Variants in FSTL4 observed in about 807,000 individuals in gnomAD.
The protein encoded by FSTL4 is follistatin like 4, also known as follistatin-related protein 4.
FSTL4 carries 28 observed loss-of-function variants against 78.2 expected under a neutral mutation model. The ratio of observed to expected loss-of-function variants is 0.36; its 90% confidence interval spans 0.27 to 0.49. The LOEUF is 0.49. Ranked by LOEUF, FSTL4 falls within the 20% of genes least tolerant of loss-of-function variation. The pLI is 0.98. For synonymous variants in FSTL4, 422 were observed against 440.5 expected (o/e 0.96, Z 0.53); for missense variants, 922 against 1,084.9 (o/e 0.85, Z 2.11).
chr5:133,756,870 C>T, the FSTL4 span, among the ~76,000 whole-genome samples: 1 of 152,132 alleles, frequency 6.6e-6, no homozygotes, highest in African/African-American at 2.4e-5. Flanking sequence ...AATGCCTCCT[C>T]CAGCTGCCCA....
rs78758136 is a variant in FSTL4, at chr5:133,582,999, T to C, written c.127-15780A>G. On this transcript the variant is annotated intron_variant, in intron 2 of 15. Transcript: ENST00000265342. ...GAGCCACCACAGCTCAACCAATCTT[T>C]AGTACTCAGTGTGCCTGGGGGTGCC... 8.7e-3 allele frequency among the ~76,000 whole-genome samples: 1,326 copies of C among 152,196 alleles called. 11 individuals carry two copies. The highest frequency in any genetic ancestry group is 0.014 in the Non-Finnish European group (969 of 67,998).
intron 7 of FSTL4, among the ~76,000 whole-genome samples, chr5:133,238,346 C>CT (rs371049136): frequency 1.8e-4 from 27 of 152,294 alleles, no homozygotes; most frequent in African/African-American, 6.0e-4. Flanking sequence ...GGGGGGGTCT[C>CT]TCCCCCAACA....
the FSTL4 span, among the ~76,000 whole-genome samples, chr5:133,771,296 G>A: frequency 2.0e-5 from 3 of 151,978 alleles, no homozygotes; most frequent in Non-Finnish European, 4.4e-5. Flanking sequence ...TTGAGTCGGT[G>A]GATTGCTTTG....
intron 4 of FSTL4, among the ~76,000 whole-genome samples, chr5:133,398,643 T>G (rs1396132036): frequency 6.6e-6 from 1 of 152,212 alleles, no homozygotes; most frequent in Non-Finnish European, 1.5e-5. Flanking sequence ...GGCAGCGTGC[T>G]AAGTGGTGCT....
chr5:133,833,045 G>A, the FSTL4 span, among the ~76,000 whole-genome samples: 4 of 152,028 alleles, frequency 2.6e-5, no homozygotes, highest in African/African-American at 7.3e-5. Flanking sequence ...ATTTGGTCTC[G>A]AGGCCATAAT....
rs1164252348 is a variant in FSTL4 at position 133,440,197 on chromosome 5, G to C, written c.161-39211C>G. On this transcript the variant is annotated intron_variant, in intron 3 of 15. Transcript: ENST00000265342. The surrounding 1 kb of genome is among the most constrained non-coding windows in gnomAD (Gnocchi z 4.1). ...ACACCCATTCACTGAATAATTTCTGGGCGCTGTGGAGGGAGAGGGCCTCAG... is the reference window on the plus strand; with the variant it reads ...ACACCCATTCACTGAATAATTTCTGCGCGCTGTGGAGGGAGAGGGCCTCAG... 6.6e-6 allele frequency among the ~76,000 whole-genome samples: 1 copy of C among 152,148 alleles called. No individual in the cohort carries two copies. The highest frequency in any genetic ancestry group is 1.5e-5 in the Non-Finnish European group (1 of 68,016).
intron 8 of FSTL4, among the ~76,000 whole-genome samples, chr5:133,230,620 C>T (rs1751464942): frequency 6.6e-6 from 1 of 152,146 alleles, no homozygotes; most frequent in Non-Finnish European, 1.5e-5. Context: ...TGGCCTCCAG[C>T]CCTTCAGCAG....
intron 4 of FSTL4, among the ~76,000 whole-genome samples, chr5:133,354,552 C>T (rs559790844): frequency 2.7e-4 from 41 of 152,322 alleles, no homozygotes; most frequent in African/African-American, 9.1e-4. Context: ...CAGTAACTGG[C>T]AGTTCCTTTT....
At chr5:133,244,557 TCAAA>T (rs911793561) in intron 7 of FSTL4, 6 of 151,988 alleles carry the variant, frequency 3.9e-5, no homozygotes, top group African/African-American at 9.7e-5. Flanking sequence ...TGATTTCTCA[TCAAA>T]CAAACAGAAG....
chr5:133,204,084 G>A (rs756736036), intron 14 of FSTL4, among the ~76,000 whole-genome samples: 3 of 152,226 alleles, frequency 2.0e-5, no homozygotes, highest in Non-Finnish European at 2.9e-5. Flanking sequence ...GGTGGGGACA[G>A]CAAGGCTGGG....
chr5:133,310,253 C>T (rs1016026768), intron 6 of FSTL4, among the ~76,000 whole-genome samples: 15 of 152,178 alleles, frequency 9.9e-5, no homozygotes, highest in African/African-American at 3.6e-4. Flanking sequence ...AATGGTTTGG[C>T]TGTCTGGTTC....
the FSTL4 span, among the ~76,000 whole-genome samples, chr5:133,769,538 T>C: frequency 1.3e-5 from 2 of 152,134 alleles, no homozygotes. Flanking sequence ...GCTACTCTGG[T>C]CCATCAGTAT....
At chr5:133,387,598 T>G (rs1263105873) in intron 4 of FSTL4, among the ~76,000 whole-genome samples, 1 of 152,222 alleles carries the variant, frequency 6.6e-6, no homozygotes. Flanking sequence ...TTGGCTCTTA[T>G]GCATTTCTCT....
At chr5:133,683,364 G>T in the FSTL4 span, among the ~76,000 whole-genome samples, 2 of 151,398 alleles carry the variant, frequency 1.3e-5, no homozygotes, top group East Asian at 1.9e-4. Context: ...TAGAATTCAT[G>T]AGCTCACATT....
At chr5:133,213,253 C>T (rs1202643785) in intron 13 of FSTL4, among the ~76,000 whole-genome samples, 1 of 152,156 alleles carries the variant, frequency 6.6e-6, no homozygotes, top group Admixed American at 6.5e-5. Flanking sequence ...TCCACCTGCC[C>T]TGGCCTCCCA....
At chr5:133,770,938 C>T in the FSTL4 span, among the ~76,000 whole-genome samples, 1 of 151,832 alleles carries the variant, frequency 6.6e-6, no homozygotes, top group African/African-American at 2.4e-5. Context: ...CCTTCTTCTG[C>T]ATGACTATCC....
intron 3 of FSTL4, among the ~76,000 whole-genome samples, chr5:133,510,946 G>A (rs538450150): frequency 5.9e-5 from 9 of 152,244 alleles, no homozygotes; most frequent in African/African-American, 1.9e-4. Context: ...TATAGCTCTC[G>A]GGCTGGCCCC....
chr5:133,706,485 C>T, the FSTL4 span, among the ~76,000 whole-genome samples: 1 of 152,122 alleles, frequency 6.6e-6, no homozygotes, highest in African/African-American at 2.4e-5. Flanking sequence ...AAATAAAATA[C>T]ACTACAACTT....
chr5:133,569,257 T>C (rs1299737435), intron 2 of FSTL4, among the ~76,000 whole-genome samples: 1 of 152,230 alleles, frequency 6.6e-6, no homozygotes, highest in Non-Finnish European at 1.5e-5. Flanking sequence ...TTCCAGGTGT[T>C]TTCTCTTGCC....
Sources: gnomAD v4.1 joint callset for allele counts (sites outside exome capture counted in the v4.1 genomes callset) on GRCh38, gnomAD v4.1.1 for gene constraint, Gnocchi (gnomAD v3.1) non-coding constraint, MANE v1.5 for transcripts, NCBI Gene and HGNC (gene_info 2026-07-23, HGNC 2026-07-21) for gene names.